The following ATP8A2 variants were observed in gnomAD, a reference collection of about 807,000 sequenced individuals.
ATP8A2 encodes the protein phospholipid-transporting ATPase IB.
Under a neutral mutation model 165.6 loss-of-function variants are expected in ATP8A2, and 100 were observed. The observed-to-expected ratio is 0.60, with a 90% CI of 0.51 to 0.71. The LOEUF (loss-of-function observed/expected upper bound fraction) is 0.71. Among genes scored for constraint, ATP8A2 ranks in the 30% least tolerant of loss-of-function variants. The probability of loss-of-function intolerance (pLI) is 0.00; values close to 1 mark genes in which losing one functional copy is unlikely to be tolerated. For missense variants in ATP8A2, 1,227 were observed against 1,479.5 expected, an observed-to-expected ratio of 0.83 and a Z score of 2.80; for synonymous variants, 543 against 548.8, an observed-to-expected ratio of 0.99 and a Z score of 0.15.
At chr13:25,449,480 A>G (rs1341124336) in intron 1 of ATP8A2, among the ~76,000 whole-genome samples, 5 of 152,214 alleles carry the variant, frequency 3.3e-5, no homozygotes, top group African/African-American at 9.7e-5. Context: ...GACTTGTTGT[A>G]TGCTATAGAT....
chr13:25,984,366 G>A (rs1956231141), intron 35 of ATP8A2, among the ~76,000 whole-genome samples: 1 of 152,096 alleles, frequency 6.6e-6, no homozygotes, highest in Non-Finnish European at 1.5e-5. Flanking sequence ...CACTTTGGGA[G>A]ATGAAGGCAG....
intron 25 of ATP8A2, among the ~76,000 whole-genome samples, chr13:25,710,284 G>A (rs909139488): frequency 3.3e-5 from 5 of 152,044 alleles, no homozygotes; most frequent in African/African-American, 7.3e-5. Context: ...TTCCAACTCC[G>A]CTGTTTTAAT....
At chr13:25,801,981 G>A (rs1036519759) in intron 27 of ATP8A2, among the ~76,000 whole-genome samples, 18 of 152,018 alleles carry the variant, frequency 1.2e-4, no homozygotes, top group African/African-American at 4.3e-4. Context: ...TAACATGTAG[G>A]TATCTGCCCC....
At chr13:25,505,780 C>T (rs1336825970) in intron 2 of ATP8A2, among the ~76,000 whole-genome samples, 1 of 152,196 alleles carries the variant, frequency 6.6e-6, no homozygotes, top group Non-Finnish European at 1.5e-5. Context: ...TATGCTATAT[C>T]ATATTCTATG....
At chr13:25,755,010 G>A (rs927046822) in intron 25 of ATP8A2, among the ~76,000 whole-genome samples, 1 of 152,072 alleles carries the variant, frequency 6.6e-6, no homozygotes, top group Non-Finnish European at 1.5e-5. Flanking sequence ...GTTTTTTGTT[G>A]TTGTTGGAGG....
intron 13 of ATP8A2, among the ~76,000 whole-genome samples, chr13:25,555,720 A>G (rs2038961007): frequency 6.6e-6 from 1 of 151,482 alleles, no homozygotes; most frequent in Admixed American, 6.6e-5. Context: ...AATATGAATG[A>G]TCCCATCACT....
chr13:26,011,236 A>C (rs1956840667), intron 35 of ATP8A2, among the ~76,000 whole-genome samples: 1 of 152,186 alleles, frequency 6.6e-6, no homozygotes, highest in Admixed American at 6.5e-5. Flanking sequence ...TGGAGGCTGG[A>C]AGTCCATACT....
At chr13:25,517,423 A>G (rs909452208) in intron 2 of ATP8A2, among the ~76,000 whole-genome samples, 4 of 152,170 alleles carry the variant, frequency 2.6e-5, no homozygotes, top group Admixed American at 6.5e-5. Context: ...TCATGTTTCC[A>G]TGCAGGTGTT....
At chr13:25,388,822 G>C (rs2033147084) in intron 1 of ATP8A2, among the ~76,000 whole-genome samples, 1 of 152,204 alleles carries the variant, frequency 6.6e-6, no homozygotes, top group Non-Finnish European at 1.5e-5. Flanking sequence ...GCCAGCAATG[G>C]GCAGGAGGGG....
At chr13:25,739,116 G>A (rs1486800992) in intron 25 of ATP8A2, among the ~76,000 whole-genome samples, 1 of 152,192 alleles carries the variant, frequency 6.6e-6, no homozygotes, top group Non-Finnish European at 1.5e-5. Context: ...TTGAGCAGGG[G>A]AAGAAAATCT....
intron 25 of ATP8A2, among the ~76,000 whole-genome samples, chr13:25,737,549 G>T (rs1391155175): frequency 1.3e-5 from 2 of 152,186 alleles, no homozygotes; most frequent in Non-Finnish European, 2.9e-5. Context: ...ACCCAGGCTG[G>T]AGTGCAGTGG....
In ATP8A2 at chr13:25,992,161, A is replaced by T. The variant is rs986512785; in HGVS notation, c.3378-20370A>T. Among the ~76,000 whole-genome samples, 4 of 150,928 alleles carry T rather than the reference A, an allele frequency of 2.7e-5. No individual in the cohort carries two copies. In the East Asian group the frequency reaches 5.9e-4, roughly 22 times the overall value. ...AGTGGGCATACCATTTTACATTTTCATCATGATGCATGAGTGATCTAGTTT... is the reference window on the plus strand; with the variant it reads ...AGTGGGCATACCATTTTACATTTTCTTCATGATGCATGAGTGATCTAGTTT... On this transcript the variant is annotated intron_variant, in intron 35 of 36. Transcript: ENST00000381655.
chr13:25,581,529 C>T (rs567866968), intron 22 of ATP8A2, among the ~76,000 whole-genome samples: 5 of 152,256 alleles, frequency 3.3e-5, no homozygotes, highest in East Asian at 3.9e-4. Flanking sequence ...TCAGTGTCCT[C>T]GGGATAACCT....
intron 24 of ATP8A2, among the ~76,000 whole-genome samples, chr13:25,691,267 C>T (rs987834350): frequency 1.2e-4 from 18 of 152,212 alleles, no homozygotes; most frequent in African/African-American, 2.9e-4. Flanking sequence ...TGATTGTGGC[C>T]GGGGTTACCT....
intron 23 of ATP8A2, among the ~76,000 whole-genome samples, chr13:25,584,918 G>C (rs1350315279): frequency 3.3e-5 from 5 of 152,026 alleles, no homozygotes; most frequent in African/African-American, 9.7e-5. Flanking sequence ...TTCATCTTTA[G>C]ATTTGGTGAC....
chr13:25,672,777 A>G (rs1374972879), intron 24 of ATP8A2, among the ~76,000 whole-genome samples: 1 of 152,134 alleles, frequency 6.6e-6, no homozygotes, highest in Non-Finnish European at 1.5e-5. Context: ...TTTTGAGCTA[A>G]TATAGTCAAT....
chr13:25,579,850 A>G lies in ATP8A2; in HGVS notation c.1910A>G (p.Asn637Ser). ...LCVAYADLSE[N>S]EYEEWLKVYQ... ...GTGGCTTATGCTGATCTCTCTGAGA[A>G]TGAGTATGAGGAGTGGCTGAAAGTC... The change falls in exon 22 of 37, where the codon AAT becomes AGT. Residue 637 changes from asparagine (N) to serine (S), a missense_variant. Transcript: ENST00000381655. The G allele has an allele frequency of 6.2e-7, 1 of 1,614,050 alleles. No homozygotes were observed. The highest frequency in any genetic ancestry group is 8.5e-7 in the Non-Finnish European group (1 of 1,179,964).
intron 1 of ATP8A2, among the ~76,000 whole-genome samples, chr13:25,438,706 T>C (rs2034847800): frequency 6.6e-6 from 1 of 152,036 alleles, no homozygotes; most frequent in Admixed American, 6.6e-5. Flanking sequence ...GAAAAGAACA[T>C]ACAATCCCCA....
At chr13:25,898,543 T>C (rs1255419972) in intron 33 of ATP8A2, among the ~76,000 whole-genome samples, 1 of 152,238 alleles carries the variant, frequency 6.6e-6, no homozygotes, top group African/African-American at 2.4e-5. Context: ...ACCACTCCTC[T>C]CTTCAAAGCT....
Sources: gnomAD v4.1 joint callset for allele counts (sites outside exome capture counted in the v4.1 genomes callset) on GRCh38, gnomAD v4.1.1 for gene constraint, MANE v1.5 for transcripts, NCBI Gene and HGNC (gene_info 2026-07-23, HGNC 2026-07-21) for gene names.